Variants in APBB1IP observed in about 807,000 individuals in gnomAD.
The protein encoded by APBB1IP is amyloid beta precursor protein binding family B member 1 interacting protein.
APBB1IP carries 27 observed loss-of-function variants against 64.9 expected under a neutral mutation model. That is an observed-to-expected ratio of 0.42 (90% CI 0.31 to 0.57). APBB1IP has a LOEUF of 0.57. Among genes scored for constraint, APBB1IP ranks in the 20% least tolerant of loss-of-function variants. The probability of loss-of-function intolerance (pLI) is 0.20; values close to 1 mark genes in which losing one functional copy is unlikely to be tolerated. For synonymous variants in APBB1IP, 392 were observed against 331.0 expected (o/e 1.18, Z -2.00); for missense variants, 812 against 845.5 (o/e 0.96, Z 0.49).
chr10:26,522,198 TTA>T lies in APBB1IP; in HGVS notation c.813+8540_813+8541del, dbSNP rs201408703. 3.3e-3 allele frequency among the ~76,000 whole-genome samples: 409 copies of T among 124,894 alleles called. 1 individual carries two copies. Among genetic ancestry groups the T allele is most frequent in the African/African-American group, 0.01 (349 of 34,168 alleles). The allele number at this position is 124,894 out of a possible 152,430, so 81.9% of individuals were successfully genotyped here. A position where few individuals can be genotyped will look rare whatever the true frequency, so the allele number is the denominator to read the frequency against. Reference sequence around the variant, plus strand: ...TTTTAAGAAGCACATGAATAAGTTTTTATTTTTTTTATAGACTTTCTTTTCAG... The same window carrying T: ...TTTTAAGAAGCACATGAATAAGTTTTTTTTTTTTATAGACTTTCTTTTCAG... On this transcript the variant is annotated intron_variant, in intron 8 of 14. Coordinates refer to ENST00000376236, the MANE Select transcript of APBB1IP (RefSeq NM_019043.4).
intron 11 of APBB1IP, among the ~76,000 whole-genome samples, chr10:26,543,577 C>G (rs1003069850): frequency 6.6e-6 from 1 of 151,750 alleles, no homozygotes; most frequent in African/African-American, 2.4e-5. Flanking sequence ...TTCCCATCAC[C>G]TGGAATAGTG....
Position 26,513,667 on chromosome 10 carries a change from T to C in APBB1IP, c.813+7T>C. ...TGTATTTAAAAACCCCCAGGTAAGATGATCTGCATATTGTTAAACCCTATA... is the reference window on the plus strand; with the variant it reads ...TGTATTTAAAAACCCCCAGGTAAGACGATCTGCATATTGTTAAACCCTATA... On this transcript the variant is annotated splice_region_variant and intron_variant, in intron 8 of 14. Coordinates refer to ENST00000376236, the MANE Select transcript of APBB1IP (RefSeq NM_019043.4). The C allele has an allele frequency of 1.2e-6, 2 of 1,605,404 alleles. No homozygotes were observed. Among genetic ancestry groups the C allele is most frequent in the South Asian group, 1.1e-5 (1 of 88,914 alleles).
At chr10:26,551,949 GGA>G (rs1195023142) in intron 11 of APBB1IP, among the ~76,000 whole-genome samples, 4 of 152,036 alleles carry the variant, frequency 2.6e-5, no homozygotes, top group African/African-American at 9.7e-5. Context: ...ATGGATGGAT[GGA>G]TGGATGGATG....
At chr10:26,478,127 C>A (rs1308561229) in intron 2 of APBB1IP, among the ~76,000 whole-genome samples, 1 of 152,094 alleles carries the variant, frequency 6.6e-6, no homozygotes, top group Non-Finnish European at 1.5e-5. Flanking sequence ...GTGGTAGAAA[C>A]AGTTGATTTT....
At chr10:26,511,959 T>C in intron 7 of APBB1IP, 53 bp downstream of exon 7, 2 of 1,587,694 alleles carry the variant, frequency 1.3e-6, no homozygotes, top group Non-Finnish European at 8.6e-7. Context: ...GTGGGTTTGC[T>C]GTATAATGGG....
At chr10:26,561,064 CTTTTTTTTTTTT>C (rs764573338) in intron 13 of APBB1IP, among the ~76,000 whole-genome samples, 2 of 69,208 alleles carry the variant, frequency 2.9e-5, no homozygotes, top group Non-Finnish European at 5.1e-5. Context: ...TTCTTTCTTT[CTTTTTTTTTTTT>C]TTTTTTTTTT....
intron 2 of APBB1IP, among the ~76,000 whole-genome samples, chr10:26,455,735 A>G (rs1835517891): frequency 6.6e-6 from 1 of 152,088 alleles, no homozygotes; most frequent in African/African-American, 2.4e-5. Context: ...TTTGGAAAAC[A>G]GTGTGTCAAT....
chr10:26,546,609 T>C (rs1222743207), intron 11 of APBB1IP, among the ~76,000 whole-genome samples: 1 of 152,204 alleles, frequency 6.6e-6, no homozygotes, highest in Non-Finnish European at 1.5e-5. Context: ...CACCCTACCT[T>C]GCAGTAGTGT....
intron 6 of APBB1IP, among the ~76,000 whole-genome samples, chr10:26,511,234 C>T (rs573514010): frequency 1.2e-4 from 19 of 152,080 alleles, no homozygotes; most frequent in Non-Finnish European, 2.5e-4. Flanking sequence ...ATCCCAACTA[C>T]TAGGAAGGCT....
intron 8 of APBB1IP, among the ~76,000 whole-genome samples, chr10:26,516,870 G>A (rs1836337896): frequency 6.6e-6 from 1 of 152,134 alleles, no homozygotes; most frequent in African/African-American, 2.4e-5. Flanking sequence ...TCACTAGAGG[G>A]CATCACCAGA....
intron 2 of APBB1IP, among the ~76,000 whole-genome samples, chr10:26,445,345 A>G (rs926303499): frequency 6.6e-6 from 1 of 152,224 alleles, no homozygotes; most frequent in African/African-American, 2.4e-5. Context: ...TAATAATCAA[A>G]ACAATGGAAA....
chr10:26,516,726 G>C (rs7910933), intron 8 of APBB1IP, among the ~76,000 whole-genome samples: 33,696 of 151,698 alleles, frequency 0.22, 4,389 homozygotes, highest in Middle Eastern at 0.3. Flanking sequence ...GCTCCCTGTG[G>C]AGATATTTAA....
intron 8 of APBB1IP, among the ~76,000 whole-genome samples, chr10:26,516,563 T>TAAAAAAAAAAAAAAAAAA (rs1198670517): frequency 4.0e-3 from 210 of 53,090 alleles, no homozygotes; most frequent in African/African-American, 9.9e-3. Flanking sequence ...AAAAAAAAAG[T>TAAAAAAAAAAAAAAAAAA]AAAGCGGAAA....
intron 8 of APBB1IP, among the ~76,000 whole-genome samples, chr10:26,529,598 A>G (rs774716327): frequency 6.6e-6 from 1 of 152,152 alleles, no homozygotes; most frequent in Non-Finnish European, 1.5e-5. Context: ...TTCCCAGATA[A>G]GGATGATGAC....
chr10:26,451,849 A>G (rs1460078827), intron 2 of APBB1IP, among the ~76,000 whole-genome samples: 3 of 152,360 alleles, frequency 2.0e-5, no homozygotes, highest in African/African-American at 4.8e-5. Context: ...ATCAGTAGAC[A>G]TGGAGACTTC....
chr10:26,445,184 G>T (rs1835383189), intron 2 of APBB1IP, among the ~76,000 whole-genome samples: 1 of 135,188 alleles, frequency 7.4e-6, no homozygotes, highest in Non-Finnish European at 1.7e-5. Context: ...AAGAAAGAAA[G>T]AAAGAAAGAA....
intron 8 of APBB1IP, among the ~76,000 whole-genome samples, chr10:26,516,951 T>G (rs1367881857): frequency 2.0e-5 from 3 of 152,186 alleles, no homozygotes; most frequent in Non-Finnish European, 4.4e-5. Flanking sequence ...TGAGTATATT[T>G]ATTCAGCTCC....
At chr10:26,550,876 T>G (rs978615691) in intron 11 of APBB1IP, among the ~76,000 whole-genome samples, 4 of 152,326 alleles carry the variant, frequency 2.6e-5, no homozygotes, top group African/African-American at 7.2e-5. Context: ...TCTTTTTTAG[T>G]GGGCGTATGC....
chr10:26,497,347 C>T (rs535526799), intron 4 of APBB1IP, among the ~76,000 whole-genome samples: 18 of 151,838 alleles, frequency 1.2e-4, no homozygotes, highest in Non-Finnish European at 2.4e-4. Flanking sequence ...GTCAGGAGAT[C>T]GAGACCATCC....
Sources: allele counts gnomAD v4.1 joint callset (sites outside exome capture counted in the v4.1 genomes callset), GRCh38; gene constraint gnomAD v4.1.1; transcripts MANE v1.5; gene names NCBI Gene and HGNC (gene_info 2026-07-23, HGNC 2026-07-21).